Variants in NRG3 observed in about 807,000 individuals in gnomAD.
NRG3 encodes the protein pro-neuregulin-3, membrane-bound isoform.
NRG3 carries 31 observed loss-of-function variants against 66.9 expected under a neutral mutation model. That is an observed-to-expected ratio of 0.46 (90% CI 0.35 to 0.63). The LOEUF (loss-of-function observed/expected upper bound fraction) is 0.63, where lower values mean the gene tolerates loss of function less well. Among genes scored for constraint, NRG3 ranks in the 20% least tolerant of loss-of-function variants. The pLI, the probability that NRG3 is intolerant of heterozygous loss-of-function variation, is 0.00. For missense variants in NRG3, 910 were observed against 878.9 expected (o/e 1.04, Z -0.45); for synonymous variants, 393 against 359.4 (o/e 1.09, Z -1.06).
At chr10:82,948,781 C>G (rs977347320) in intron 4 of NRG3, among the ~76,000 whole-genome samples, 1 of 152,180 alleles carries the variant, frequency 6.6e-6, no homozygotes, top group African/African-American at 2.4e-5. Context: ...TTTTCCTAAG[C>G]TTACTTGATA....
chr10:82,451,510 G>T (rs2091016398), intron 2 of NRG3, among the ~76,000 whole-genome samples: 1 of 152,150 alleles, frequency 6.6e-6, no homozygotes, highest in African/African-American at 2.4e-5. Context: ...AAACCCAGGA[G>T]TGATGGTGTG....
intron 2 of NRG3, among the ~76,000 whole-genome samples, chr10:82,617,257 C>G (rs1565131323): frequency 6.7e-6 from 1 of 149,312 alleles, no homozygotes; most frequent in Non-Finnish European, 1.5e-5. Flanking sequence ...GACACACATA[C>G]ACATACACAC....
At chr10:81,931,072 C>G (rs1242313199) in intron 1 of NRG3, among the ~76,000 whole-genome samples, 4 of 152,174 alleles carry the variant, frequency 2.6e-5, no homozygotes, top group Non-Finnish European at 5.9e-5. Context: ...ATGTATTCAC[C>G]AAGCGGGAAG....
At chr10:82,380,109 TTA>T (rs1474699241) in intron 2 of NRG3, among the ~76,000 whole-genome samples, 3 of 152,080 alleles carry the variant, frequency 2.0e-5, no homozygotes, top group Non-Finnish European at 4.4e-5. Context: ...AGTTCTTTTT[TTA>T]TGTCTAAAAA....
At chr10:82,574,266 C>G (rs1222127762) in intron 2 of NRG3, among the ~76,000 whole-genome samples, 1 of 151,658 alleles carries the variant, frequency 6.6e-6, no homozygotes, top group Non-Finnish European at 1.5e-5. Flanking sequence ...CATATAATGT[C>G]AAGTGAAATA....
rs1289225731 is a variant in NRG3, at chr10:82,075,952, G to GT, written c.823+199791dup. On this transcript the variant is annotated intron_variant, in intron 1 of 8. Coordinates refer to ENST00000372141, the MANE Select transcript of NRG3 (RefSeq NM_001010848.4). ...AATGGGAGGAAAAAAAGTAAACATA[G>GT]TTAAAAAAAAAAACGATCATTTAAA... Among the ~76,000 whole-genome samples, 3 of 89,266 alleles carry GT rather than the reference G, an allele frequency of 3.4e-5. No homozygotes were observed. The Admixed American group carries it at 4.0e-4, about 12-fold the overall frequency. The allele number at this position is 89,266 out of a possible 152,430, so 58.6% of individuals were successfully genotyped here.
intron 1 of NRG3, among the ~76,000 whole-genome samples, chr10:82,037,605 C>A (rs1320073940): frequency 1.3e-5 from 2 of 152,088 alleles, no homozygotes; most frequent in Non-Finnish European, 2.9e-5. Flanking sequence ...TTAAACAGGT[C>A]TAACAGCATT....
At chr10:82,369,456 G>T (rs1414371792) in intron 2 of NRG3, among the ~76,000 whole-genome samples, 1 of 137,656 alleles carries the variant, frequency 7.3e-6, no homozygotes, top group East Asian at 2.2e-4. Context: ...ACACCATCAT[G>T]CCTGGCTAAT....
intron 1 of NRG3, among the ~76,000 whole-genome samples, chr10:82,278,854 C>T (rs1384546903): frequency 2.0e-5 from 3 of 152,122 alleles, no homozygotes; most frequent in Non-Finnish European, 2.9e-5. Flanking sequence ...ATTTCCTCTT[C>T]GCCTTGACAA....
chr10:82,800,270 G>A (rs1043759013), intron 3 of NRG3, among the ~76,000 whole-genome samples: 11 of 152,248 alleles, frequency 7.2e-5, no homozygotes, highest in Admixed American at 1.3e-4. Flanking sequence ...ACTTTTCTGC[G>A]GAAGGTGAGA....
intron 1 of NRG3, among the ~76,000 whole-genome samples, chr10:82,276,587 A>G (rs2134381969): frequency 6.6e-6 from 1 of 152,170 alleles, no homozygotes; most frequent in South Asian, 2.1e-4. Context: ...AATGTTTTAA[A>G]TTTTTGCAGT....
chr10:82,915,780 TACTC>T (rs74876376), intron 4 of NRG3, among the ~76,000 whole-genome samples: 6,579 of 152,266 alleles, frequency 0.043, 186 homozygotes, highest in South Asian at 0.15. Context: ...ACCTAAATGA[TACTC>T]ACTAAACCTA....
intron 1 of NRG3, among the ~76,000 whole-genome samples, chr10:81,984,547 G>A (rs530816256): frequency 2.0e-5 from 3 of 151,942 alleles, no homozygotes; most frequent in East Asian, 1.9e-4. Flanking sequence ...AGCCAAATAC[G>A]AACTTTTTTC....
At chr10:82,083,733 T>TAA (rs1189507690) in intron 1 of NRG3, among the ~76,000 whole-genome samples, 1 of 151,716 alleles carries the variant, frequency 6.6e-6, no homozygotes, top group Non-Finnish European at 1.5e-5. Flanking sequence ...TAGCTGGGAT[T>TAA]ACAGGCATGC....
chr10:81,918,886 C>T (rs73306506), intron 1 of NRG3, among the ~76,000 whole-genome samples: 2,828 of 150,762 alleles, frequency 0.019, 78 homozygotes, highest in African/African-American at 0.063. Context: ...TTCTGTCAAA[C>T]GAGTTTTGAA....
At chr10:82,742,447 G>A (rs1209544033) in intron 3 of NRG3, among the ~76,000 whole-genome samples, 1 of 151,982 alleles carries the variant, frequency 6.6e-6, no homozygotes, top group Non-Finnish European at 1.5e-5. Context: ...ATTTACCTAT[G>A]AGGATCAATC....
intron 1 of NRG3, among the ~76,000 whole-genome samples, chr10:81,980,085 T>A (rs1170422157): frequency 2.0e-5 from 3 of 152,232 alleles, no homozygotes; most frequent in Non-Finnish European, 2.9e-5. Flanking sequence ...AGTAAGGATG[T>A]GATCTCATTC....
chr10:82,892,114 A>G (rs1434858523), intron 4 of NRG3, among the ~76,000 whole-genome samples: 1 of 152,166 alleles, frequency 6.6e-6, no homozygotes, highest in African/African-American at 2.4e-5. Flanking sequence ...CTTGGTTGGG[A>G]TATATTATAC....
chr10:82,477,275 A>G (rs928106973), intron 2 of NRG3, among the ~76,000 whole-genome samples: 2 of 152,176 alleles, frequency 1.3e-5, no homozygotes, highest in African/African-American at 2.4e-5. Context: ...GGAAATGTCA[A>G]GTAGGGTCTC....
Sources: allele counts gnomAD v4.1 joint callset (sites outside exome capture counted in the v4.1 genomes callset), GRCh38; gene constraint gnomAD v4.1.1; transcripts MANE v1.5; gene names NCBI Gene and HGNC (gene_info 2026-07-23, HGNC 2026-07-21).